PRICKLE1: variants seen among roughly 807,000 people sequenced by gnomAD.
The protein encoded by PRICKLE1 is prickle-like protein 1.
A neutral mutation model predicts 70.2 loss-of-function variants in PRICKLE1; 14 were observed. That is an observed-to-expected ratio of 0.20 (90% CI 0.13 to 0.31). PRICKLE1 has a LOEUF of 0.31. Among genes scored for constraint, PRICKLE1 ranks in the 10% least tolerant of loss-of-function variants. The pLI is 1.00. For missense variants in PRICKLE1, 821 were observed against 1,026.2 expected (o/e 0.80, Z 2.73); for synonymous variants, 357 against 379.9 (o/e 0.94, Z 0.70).
rs1937694104 is a variant in PRICKLE1 at position 42,459,189 on chromosome 12, T to C, written c.*620A>G. On this transcript the variant is annotated 3_prime_UTR_variant, in exon 8 of 8. Transcript: ENST00000345127. Reference sequence around the variant, plus strand: ...AACTGTACAGTATATACATTAATATTTGCACCGTTAAATTAGGAATACACT... The same window carrying C: ...AACTGTACAGTATATACATTAATATCTGCACCGTTAAATTAGGAATACACT... 1 of 676,380 alleles carries C rather than the reference T, an allele frequency of 1.5e-6. No individual in the cohort carries two copies. Among genetic ancestry groups the C allele is most frequent in the Non-Finnish European group, 2.7e-6 (1 of 375,220 alleles). The allele number at this position is 676,380 out of a possible 1,614,324, so 41.9% of individuals were successfully genotyped here.
chr12:42,465,358 G>A, intron 6 of PRICKLE1, 100 bp from the exon 7 acceptor site: 2 of 1,160,536 alleles, frequency 1.7e-6, no homozygotes, highest in Admixed American at 2.0e-5. Context: ...TATGGGTATG[G>A]GGGAGCTGTG....
intron 1 of PRICKLE1, among the ~76,000 whole-genome samples, chr12:42,502,886 GA>G (rs1286391831): frequency 6.6e-6 from 1 of 152,122 alleles, no homozygotes; most frequent in Non-Finnish European, 1.5e-5. Context: ...TTTTGAGGAG[GA>G]AAAATCCAGC....
intron 1 of PRICKLE1, among the ~76,000 whole-genome samples, chr12:42,520,237 G>A (rs900509022): frequency 4.6e-5 from 7 of 152,188 alleles, no homozygotes; most frequent in Non-Finnish European, 7.3e-5. Context: ...TGGAGAACAG[G>A]TGAGTCCCTA....
chr12:42,562,618 A>G (rs1356382927), intron 1 of PRICKLE1, among the ~76,000 whole-genome samples: 1 of 152,196 alleles, frequency 6.6e-6, no homozygotes, highest in African/African-American at 2.4e-5. Flanking sequence ...TGAAGATTCA[A>G]TAATAAGTAG....
At chr12:42,482,014 C>T (rs1938810197) in intron 1 of PRICKLE1, among the ~76,000 whole-genome samples, 2 of 152,322 alleles carry the variant, frequency 1.3e-5, no homozygotes, top group Middle Eastern at 3.4e-3. Context: ...GTTTTCCATA[C>T]GAGCAATTAG....
intron 1 of PRICKLE1, among the ~76,000 whole-genome samples, chr12:42,572,039 T>C (rs979507970): frequency 2.0e-5 from 3 of 152,342 alleles, no homozygotes. Flanking sequence ...ACAATTAACC[T>C]TGAAAGATAT....
At chr12:42,487,988 G>T (rs1305376706) in intron 1 of PRICKLE1, among the ~76,000 whole-genome samples, 1 of 152,186 alleles carries the variant, frequency 6.6e-6, no homozygotes, top group Non-Finnish European at 1.5e-5. Flanking sequence ...AGATGTTGTA[G>T]TGAGATCATG....
chr12:42,459,764 G>A lies in PRICKLE1; in HGVS notation c.*45C>T, dbSNP rs372633476. On this transcript the variant is annotated 3_prime_UTR_variant, in exon 8 of 8. Coordinates refer to ENST00000345127, the MANE Select transcript of PRICKLE1 (RefSeq NM_153026.3). ...CGGAAGAAAAGGAAACGATTCAGAC[G>A]GTTAATGGCTAAGTTTTAAACAAAT... The A allele has an allele frequency of 9.3e-6, 15 of 1,610,418 alleles. No homozygotes were observed. The African/African-American group carries it at 1.2e-4, about 13-fold the overall frequency.
intron 1 of PRICKLE1, among the ~76,000 whole-genome samples, chr12:42,581,420 C>A (rs571381005): frequency 1.6e-4 from 25 of 151,748 alleles, no homozygotes; most frequent in Non-Finnish European, 3.7e-4. Context: ...TGAGAAAAAA[C>A]AGGATAAATT....
chr12:42,527,704 A>T (rs1460118256), intron 1 of PRICKLE1, among the ~76,000 whole-genome samples: 1 of 152,016 alleles, frequency 6.6e-6, no homozygotes, highest in Non-Finnish European at 1.5e-5. Flanking sequence ...TCAGAATTAC[A>T]TGCATCTTCT....
intron 1 of PRICKLE1, among the ~76,000 whole-genome samples, chr12:42,588,962 G>A (rs1191831031): frequency 6.6e-6 from 1 of 152,174 alleles, no homozygotes; most frequent in East Asian, 1.9e-4. Flanking sequence ...CCATCGCGGG[G>A]CAGGGGGTTG....
intron 1 of PRICKLE1, among the ~76,000 whole-genome samples, chr12:42,484,968 T>C (rs1243053655): frequency 6.6e-6 from 1 of 152,102 alleles, no homozygotes. Flanking sequence ...GCTTCATCAA[T>C]TTGTAAAATA....
intron 1 of PRICKLE1, among the ~76,000 whole-genome samples, chr12:42,548,334 C>T (rs1301234208): frequency 6.6e-6 from 1 of 152,122 alleles, no homozygotes; most frequent in Admixed American, 6.5e-5. Context: ...TAGGGATGCT[C>T]AACCTGTATA....
At chr12:42,545,712 T>C (rs1311631877) in intron 1 of PRICKLE1, among the ~76,000 whole-genome samples, 1 of 152,090 alleles carries the variant, frequency 6.6e-6, no homozygotes, top group Non-Finnish European at 1.5e-5. Flanking sequence ...TAGCTGGGCA[T>C]GGTGGCATGT....
chr12:42,542,013 A>G (rs1940126947), intron 1 of PRICKLE1, among the ~76,000 whole-genome samples: 3 of 152,120 alleles, frequency 2.0e-5, no homozygotes, highest in African/African-American at 7.2e-5. Context: ...CTCCGAACAT[A>G]GTCCTCAGGG....
rs1433623374 is a variant in PRICKLE1 at position 42,470,236 on chromosome 12, G to C, written c.246+10C>G. ...CTTTTTTCTAATTAGCCTTCTTCCT[G>C]CTATTTTACCTCATTATCATGTGGT... On this transcript the variant is annotated intron_variant, in intron 3 of 7. Transcript: ENST00000345127. 1 of 1,558,498 alleles carries C rather than the reference G, an allele frequency of 6.4e-7. No individual in the cohort carries two copies. The highest frequency in any genetic ancestry group is 2.2e-5 in the East Asian group (1 of 44,602).
At chr12:42,554,891 T>C (rs1592024845) in intron 1 of PRICKLE1, among the ~76,000 whole-genome samples, 7 of 152,222 alleles carry the variant, frequency 4.6e-5, no homozygotes, top group Middle Eastern at 3.4e-3. Context: ...TATTTTTTTT[T>C]TTTTTCTTAC....
At chr12:42,466,451 G>T (rs1341795399) in intron 5 of PRICKLE1, 71 bp from the exon 6 acceptor site, 1 of 1,403,180 alleles carries the variant, frequency 7.1e-7, no homozygotes. Context: ...CCAAGTAACT[G>T]CATGTTTTCC....
chr12:42,502,710 C>T (rs1051185136), intron 1 of PRICKLE1, among the ~76,000 whole-genome samples: 1 of 152,146 alleles, frequency 6.6e-6, no homozygotes, highest in Non-Finnish European at 1.5e-5. Context: ...AGAGCAGACG[C>T]GGGAAAGGGC....
Sources: gnomAD v4.1 joint callset for allele counts (sites outside exome capture counted in the v4.1 genomes callset) on GRCh38, gnomAD v4.1.1 for gene constraint, MANE v1.5 for transcripts, NCBI Gene and HGNC (gene_info 2026-07-23, HGNC 2026-07-21) for gene names.